The following TMEM132B variants were observed in gnomAD, a reference collection of about 807,000 sequenced individuals.
TMEM132B encodes transmembrane protein 132B.
A neutral mutation model predicts 90.8 loss-of-function variants in TMEM132B; 18 were observed. The observed-to-expected ratio is 0.20, with a 90% confidence interval of 0.14 to 0.29. The LOEUF is 0.29. Among genes scored for constraint, TMEM132B ranks in the 10% least tolerant of loss-of-function variants. TMEM132B has a pLI of 1.00. For missense variants in TMEM132B, 1,096 were observed against 1,326.8 expected (o/e 0.83, Z 2.70); for synonymous variants, 504 against 523.3 (o/e 0.96, Z 0.50).
chr12:125,300,588 A>C (rs7972260), intron 1 of TMEM132B, among the ~76,000 whole-genome samples: 45,693 of 152,090 alleles, frequency 0.3, 7,016 homozygotes, highest in Non-Finnish European at 0.3. Flanking sequence ...TAATAACTAC[A>C]ATTTATAGAG....
intron 3 of TMEM132B, among the ~76,000 whole-genome samples, chr12:125,430,637 A>G (rs1201490798): frequency 6.6e-6 from 1 of 152,174 alleles, no homozygotes; most frequent in Non-Finnish European, 1.5e-5. Context: ...CACGACGGTC[A>G]TCTCTGCATC....
intron 1 of TMEM132B, among the ~76,000 whole-genome samples, chr12:125,300,170 G>A (rs939408148): frequency 4.6e-5 from 7 of 151,044 alleles, no homozygotes; most frequent in Non-Finnish European, 8.8e-5. Context: ...CCCCAGCCAC[G>A]GCCCTTCCTC....
chr12:125,552,752 A>C (rs1265207041), intron 4 of TMEM132B, among the ~76,000 whole-genome samples: 1 of 152,206 alleles, frequency 6.6e-6, no homozygotes, highest in Non-Finnish European at 1.5e-5. Flanking sequence ...CTGTAGCTTC[A>C]TTGCTTAATA....
At chr12:125,580,469 T>C (rs1006264988) in intron 4 of TMEM132B, among the ~76,000 whole-genome samples, 4 of 152,196 alleles carry the variant, frequency 2.6e-5, no homozygotes, top group Middle Eastern at 3.2e-3. Context: ...TATTTGGGAA[T>C]GAGGTTTTGA....
chr12:125,342,752 G>T (rs539632948), intron 1 of TMEM132B, among the ~76,000 whole-genome samples: 1 of 152,152 alleles, frequency 6.6e-6, no homozygotes, highest in Non-Finnish European at 1.5e-5. Context: ...AAGCAGGGCT[G>T]CCCAGCTTGA....
intron 4 of TMEM132B, 48 bp downstream of exon 4, chr12:125,519,673 T>G: frequency 6.3e-6 from 10 of 1,575,792 alleles, no homozygotes; most frequent in Non-Finnish European, 8.7e-6. Flanking sequence ...GAAGTTTTCT[T>G]TAAACATGAT....
chr12:125,523,950 G>A (rs181011558), intron 4 of TMEM132B, among the ~76,000 whole-genome samples: 12 of 152,260 alleles, frequency 7.9e-5, no homozygotes, highest in African/African-American at 2.2e-4. Context: ...GTTTTCACAG[G>A]CATCCTCATC....
At chr12:125,479,396 A>C (rs1448130951) in intron 3 of TMEM132B, among the ~76,000 whole-genome samples, 7 of 152,358 alleles carry the variant, frequency 4.6e-5, no homozygotes, top group African/African-American at 1.7e-4. Flanking sequence ...ACATAGGCTC[A>C]AAATAAAGGG....
chr12:125,548,544 G>A (rs1884144316), intron 4 of TMEM132B, among the ~76,000 whole-genome samples: 1 of 152,198 alleles, frequency 6.6e-6, no homozygotes, highest in African/African-American at 2.4e-5. Context: ...GGTATGAAAA[G>A]TGTGTGAAGG....
At chr12:125,362,288 C>G (rs1425393529) in intron 2 of TMEM132B, among the ~76,000 whole-genome samples, 1 of 152,136 alleles carries the variant, frequency 6.6e-6, no homozygotes, top group East Asian at 1.9e-4. Flanking sequence ...TCTATCACAC[C>G]CTGATACTGA....
intron 1 of TMEM132B, among the ~76,000 whole-genome samples, chr12:125,249,287 G>T (rs1322851811): frequency 6.6e-6 from 1 of 152,138 alleles, no homozygotes; most frequent in African/African-American, 2.4e-5. Flanking sequence ...GTAGACCTGT[G>T]GTGGGGCCCG....
intron 3 of TMEM132B, among the ~76,000 whole-genome samples, chr12:125,500,822 C>T (rs377069610): frequency 1.3e-4 from 20 of 152,038 alleles, no homozygotes; most frequent in East Asian, 3.9e-4. Context: ...TGGGGTCAAG[C>T]GAGAGACTAA....
At position 125,660,309 on chromosome 12, in the gene TMEM132B, G is replaced by A. The variant is rs551200418; in HGVS notation, c.*5599G>A. 23 of 152,208 alleles carry A rather than the reference G, an allele frequency of 1.5e-4. No individual in the cohort carries two copies. Among genetic ancestry groups the A allele is most frequent in the African/African-American group, 5.5e-4 (23 of 41,514 alleles). The allele number at this position is 152,208 out of a possible 1,614,324, so 9.4% of individuals were successfully genotyped here. A position where few individuals can be genotyped will look rare whatever the true frequency, so the allele number is the denominator to read the frequency against. ...TAACCAGTTCTCCCCAGATCTCAGC[G>A]TGCATGCATATATAGAGTTTAGTAA... On this transcript the variant is annotated 3_prime_UTR_variant, in exon 9 of 9. Coordinates refer to ENST00000682704, the MANE Select transcript of TMEM132B (RefSeq NM_001366854.1).
At chr12:125,614,466 A>G (rs574421977) in intron 5 of TMEM132B, among the ~76,000 whole-genome samples, 3 of 152,252 alleles carry the variant, frequency 2.0e-5, no homozygotes, top group South Asian at 2.1e-4. Flanking sequence ...TTATGGCTGC[A>G]TAGTACTCCA....
intron 3 of TMEM132B, among the ~76,000 whole-genome samples, chr12:125,454,392 TTGTGTGTGTGTGTGTGTG>T (rs749400783): frequency 8.9e-6 from 1 of 111,974 alleles, no homozygotes; most frequent in African/African-American, 2.9e-5. Flanking sequence ...GTGTGTGTGT[TTGTGTGTGTGTGTGTGTG>T]TGTGTGTGTG....
chr12:125,363,528 A>G (rs537106320), intron 2 of TMEM132B, among the ~76,000 whole-genome samples: 133 of 152,258 alleles, frequency 8.7e-4, no homozygotes, highest in African/African-American at 3.1e-3. Flanking sequence ...AGTGCCTAGT[A>G]GTGTTTTTTG....
rs1957763039 is a variant in TMEM132B, at chr12:125,186,822, C to T, written c.23C>T (p.Pro8Leu). The T allele has an allele frequency of 6.6e-6, 1 of 151,604 alleles. No homozygotes were observed. The highest frequency in any genetic ancestry group is 2.0e-4 in the South Asian group (1 of 4,908). 9.4% of individuals were successfully genotyped at this position (151,604 alleles called of 1,614,324 possible). ...ACCATGCCGCCCCCGGGCCGGGCGC[C>T]GCCGCTCGGGCTCCTGCTGGCGCTG... MPPPGRAPPLGLLLALTA... is the reference protein window; with the variant it reads MPPPGRALPLGLLLALTA... Residue 8 changes from proline (P) to leucine (L), a missense_variant, in exon 1 of 9, where the codon CCG becomes CTG. Physicochemically the swap from Pro to Leu is moderately conservative, Grantham distance 98 (BLOSUM62 -3). Coordinates refer to ENST00000682704, the MANE Select transcript of TMEM132B (RefSeq NM_001366854.1). This position sits in a 1 kb window ranked among gnomAD's most constrained non-coding sequence, Gnocchi z 6.3.
At chr12:125,526,182 TA>T (rs1286024231) in intron 4 of TMEM132B, among the ~76,000 whole-genome samples, 2 of 152,178 alleles carry the variant, frequency 1.3e-5, no homozygotes, top group Non-Finnish European at 2.9e-5. Flanking sequence ...TGTGACACAG[TA>T]AAACTGCCCA....
chr12:125,326,703 A>C (rs1350617925), intron 1 of TMEM132B: 1 of 1,598,400 alleles, frequency 6.3e-7, no homozygotes. Flanking sequence ...GGCCTGGTGC[A>C]ACCAGGACAG....
Sources: gnomAD v4.1 joint callset for allele counts (sites outside exome capture counted in the v4.1 genomes callset) on GRCh38, gnomAD v4.1.1 for gene constraint, Gnocchi (gnomAD v3.1) non-coding constraint, MANE v1.5 for transcripts, NCBI Gene and HGNC (gene_info 2026-07-23, HGNC 2026-07-21) for gene names.